The following RHOU variants were observed in gnomAD, a reference collection of about 807,000 sequenced individuals.
RHOU encodes rho-related GTP-binding protein RhoU.
RHOU carries 8 observed loss-of-function variants against 12.6 expected under a neutral mutation model. That is an observed-to-expected ratio of 0.64 (90% confidence interval 0.37 to 1.15). The LOEUF is 1.15. Ranked by LOEUF, RHOU falls within the 50% of genes most tolerant of loss-of-function variation. RHOU has a pLI of 0.01. For missense variants in RHOU, 258 were observed against 347.0 expected (o/e 0.74, Z 2.04); for synonymous variants, 161 against 147.4 (o/e 1.09, Z -0.67).
chr1:228,744,433 T>G lies in RHOU; in HGVS notation c.*693T>G, dbSNP rs1312767275. On this transcript the variant is annotated 3_prime_UTR_variant, in exon 3 of 3. Transcript: ENST00000366691. ...CTTAGTCCAGTTGTGTTGACACATA[T>G]GAACACAGACAAAGTGCTATGCGGA... The G allele has an allele frequency of 6.6e-6, 1 of 152,260 alleles. No individual in the cohort carries two copies. The highest frequency in any genetic ancestry group is 1.5e-5 in the Non-Finnish European group (1 of 68,062). The allele number at this position is 152,260 out of a possible 1,614,324, so 9.4% of individuals were successfully genotyped here.
the RHOU span, among the ~76,000 whole-genome samples, chr1:228,646,918 G>A: frequency 3.3e-5 from 5 of 152,090 alleles, no homozygotes; most frequent in African/African-American, 7.2e-5. Context: ...AGAGAGACCG[G>A]AGAGGTGGAG....
upstream of RHOU, among the ~76,000 whole-genome samples, chr1:228,731,526 G>A (rs1662496103): frequency 6.6e-6 from 1 of 152,174 alleles, no homozygotes; most frequent in African/African-American, 2.4e-5. Flanking sequence ...GAGAAGCAAA[G>A]CCAAGTTTTG....
Position 228,737,765 on chromosome 1 carries a change from G to A in RHOU, c.321+34G>A. ...CACGTTACAGCTCAGTGCTGGGAAAGGAAACAGCCTTTTAAAGATTTCCAA... is the reference window on the plus strand; with the variant it reads ...CACGTTACAGCTCAGTGCTGGGAAAAGAAACAGCCTTTTAAAGATTTCCAA... On this transcript the variant is annotated intron_variant, in intron 2 of 2. Transcript: ENST00000366691. The surrounding 1 kb of genome is among the most constrained non-coding windows in gnomAD (Gnocchi z 4.1). The A allele has an allele frequency of 1.2e-6, 2 of 1,606,000 alleles. No homozygotes were observed. The highest frequency in any genetic ancestry group is 2.2e-5 in the East Asian group (1 of 44,846).
At chr1:228,736,077 G>A in intron 1 of RHOU, 73 bp downstream of exon 1, 19 of 1,470,240 alleles carry the variant, frequency 1.3e-5, no homozygotes, top group Non-Finnish European at 1.6e-5. Flanking sequence ...GTGGCGCGAG[G>A]GTCGCGAGGT....
the RHOU span, among the ~76,000 whole-genome samples, chr1:228,684,956 C>T: frequency 6.6e-6 from 1 of 152,200 alleles, no homozygotes. Flanking sequence ...ACGGCTACTC[C>T]ATAGACAGAG....
At chr1:228,663,625 CTTTTTTTTTTTT>C in the RHOU span, among the ~76,000 whole-genome samples, 3 of 58,768 alleles carry the variant, frequency 5.1e-5, no homozygotes, top group East Asian at 4.8e-4. Context: ...CTTTTCTTTT[CTTTTTTTTTTTT>C]TTTTTTTTTT....
At chr1:228,701,304 G>A in the RHOU span, among the ~76,000 whole-genome samples, 30 of 152,078 alleles carry the variant, frequency 2.0e-4, no homozygotes, top group Admixed American at 1.8e-3. Context: ...ATTTGTTAGT[G>A]ATAATTAAAA....
At chr1:228,708,633 T>G in the RHOU span, among the ~76,000 whole-genome samples, 1 of 151,858 alleles carries the variant, frequency 6.6e-6, no homozygotes, top group Admixed American at 6.6e-5. Context: ...CCACCAGGCC[T>G]GCCCTAAAAG....
At chr1:228,680,991 TG>T in the RHOU span, among the ~76,000 whole-genome samples, 1 of 152,202 alleles carries the variant, frequency 6.6e-6, no homozygotes, top group Non-Finnish European at 1.5e-5. Flanking sequence ...AGCGTGAGAT[TG>T]GGCTAGAGAG....
chr1:228,709,976 A>C, the RHOU span, among the ~76,000 whole-genome samples: 1 of 152,212 alleles, frequency 6.6e-6, no homozygotes, highest in Admixed American at 6.5e-5. Flanking sequence ...GATAAAGGGG[A>C]TATCACCACC....
chr1:228,654,021 C>A, the RHOU span, among the ~76,000 whole-genome samples: 1 of 151,878 alleles, frequency 6.6e-6, no homozygotes, highest in Non-Finnish European at 1.5e-5. Context: ...GAACTGCATC[C>A]TAAATTTTTC....
At chr1:228,672,089 T>C in the RHOU span, among the ~76,000 whole-genome samples, 29 of 152,268 alleles carry the variant, frequency 1.9e-4, no homozygotes, top group South Asian at 1.2e-3. Flanking sequence ...TGCTTACATA[T>C]ATGCCAAACA....
At chr1:228,647,246 C>T in the RHOU span, among the ~76,000 whole-genome samples, 1 of 152,132 alleles carries the variant, frequency 6.6e-6, no homozygotes, top group Non-Finnish European at 1.5e-5. Context: ...AGGTGGGTTT[C>T]GTAGGCTCCA....
the RHOU span, among the ~76,000 whole-genome samples, chr1:228,707,120 A>ATATACATATATATATATATATATG: frequency 2.4e-5 from 2 of 84,640 alleles, no homozygotes; most frequent in Non-Finnish European, 3.8e-5. Flanking sequence ...ATATATATAT[A>ATATACATATATATATATATATATG]TATATACATA....
the RHOU span, among the ~76,000 whole-genome samples, chr1:228,679,418 C>A: frequency 1.5e-5 from 2 of 132,580 alleles, no homozygotes; most frequent in African/African-American, 2.9e-5. Flanking sequence ...AAGGAATGGA[C>A]AGGGGAGTGT....
At chr1:228,728,895 T>C in the RHOU span, among the ~76,000 whole-genome samples, 1 of 144,334 alleles carries the variant, frequency 6.9e-6, no homozygotes, top group Non-Finnish European at 1.5e-5. Flanking sequence ...ATTTCTTTTC[T>C]TTTCTTTTTT....
At chr1:228,668,674 G>C in the RHOU span, among the ~76,000 whole-genome samples, 1 of 152,174 alleles carries the variant, frequency 6.6e-6, no homozygotes, top group Non-Finnish European at 1.5e-5. Flanking sequence ...ATTATAAAAA[G>C]AGCTTTGTCT....
chr1:228,697,403 T>C, the RHOU span, among the ~76,000 whole-genome samples: 2 of 151,774 alleles, frequency 1.3e-5, no homozygotes, highest in Non-Finnish European at 2.9e-5. Flanking sequence ...AGCACAGGAG[T>C]CAGATGTGAT....
intron 2 of RHOU, among the ~76,000 whole-genome samples, chr1:228,740,746 A>G (rs1274975317): frequency 6.6e-6 from 1 of 152,232 alleles, no homozygotes; most frequent in Non-Finnish European, 1.5e-5. Context: ...GAGCACAGAT[A>G]GGCTAGAACT....
Sources: allele counts gnomAD v4.1 joint callset (sites outside exome capture counted in the v4.1 genomes callset), GRCh38; gene constraint gnomAD v4.1.1; non-coding constraint Gnocchi (gnomAD v3.1); transcripts MANE v1.5; gene names NCBI Gene and HGNC (gene_info 2026-07-23, HGNC 2026-07-21).